Variants in GALNTL6 observed in about 807,000 individuals in gnomAD.
The protein encoded by GALNTL6 is polypeptide N-acetylgalactosaminyltransferase-like 6.
In GALNTL6, 46 loss-of-function variants were observed where a neutral mutation model predicts 73.7. The observed-to-expected ratio is 0.62, with a 90% confidence interval of 0.49 to 0.80. The LOEUF is 0.80. Ranked by LOEUF, GALNTL6 falls within the 30% of genes least tolerant of loss-of-function variation. The probability of loss-of-function intolerance (pLI) is 0.00; values close to 1 mark genes in which losing one functional copy is unlikely to be tolerated. For synonymous variants in GALNTL6, 259 were observed against 263.7 expected (o/e 0.98, Z 0.17); for missense variants, 604 against 755.0 (o/e 0.80, Z 2.34).
chr4:172,264,637 T>C (rs907779288), intron 3 of GALNTL6, among the ~76,000 whole-genome samples: 4 of 143,738 alleles, frequency 2.8e-5, no homozygotes, highest in Non-Finnish European at 6.1e-5. Flanking sequence ...ATATATTATA[T>C]GTGTATATAC....
At chr4:172,820,346 TG>T (rs1741853855) in intron 7 of GALNTL6, among the ~76,000 whole-genome samples, 2 of 152,356 alleles carry the variant, frequency 1.3e-5, no homozygotes, top group South Asian at 4.1e-4. Context: ...GCATCCCACT[TG>T]GGTTAAATTT....
intron 10 of GALNTL6, among the ~76,000 whole-genome samples, chr4:172,986,988 T>A (rs1032297766): frequency 6.6e-6 from 1 of 152,136 alleles, no homozygotes; most frequent in Non-Finnish European, 1.5e-5. Context: ...GTAGAACATA[T>A]TTTTTTAATT....
intron 2 of GALNTL6, among the ~76,000 whole-genome samples, chr4:172,068,395 T>G (rs1394858): frequency 0.61 from 66,113 of 108,430 alleles, 29,220 homozygotes; most frequent in South Asian, 0.79. Context: ...TTCTGGCTTC[T>G]GCCTGATGTT....
intron 2 of GALNTL6, among the ~76,000 whole-genome samples, chr4:172,155,028 C>A (rs1026981344): frequency 6.7e-6 from 1 of 149,454 alleles, no homozygotes; most frequent in Admixed American, 6.7e-5. Context: ...GACGTAGTCT[C>A]GCTCTGTTGT....
chr4:172,952,051 A>C lies in GALNTL6; in HGVS notation c.1164A>C (p.Val388=), dbSNP rs903500948. 6.2e-7 allele frequency: 1 copy of C among 1,613,700 alleles called. No homozygotes were observed. Among genetic ancestry groups the C allele is most frequent in the Non-Finnish European group, 8.5e-7 (1 of 1,179,802 alleles). ...GTSLARNLKR[V]AETWMDEFAE... ...CTGCTGCACAGAACCTGAAGCGGGTAGCTGAGACCTGGATGGATGAATTTG... is the reference window on the plus strand; with the variant it reads ...CTGCTGCACAGAACCTGAAGCGGGTCGCTGAGACCTGGATGGATGAATTTG... The change falls in exon 10 of 13, where the codon GTA becomes GTC. Residue 388 remains valine, a synonymous_variant. Transcript: ENST00000506823.
At chr4:172,578,247 T>A (rs1037465136) in intron 5 of GALNTL6, among the ~76,000 whole-genome samples, 4 of 152,216 alleles carry the variant, frequency 2.6e-5, no homozygotes, top group African/African-American at 4.8e-5. Context: ...ATTTCCATGT[T>A]GTTGCAAAAT....
At chr4:172,226,454 A>G (rs928798964) in intron 2 of GALNTL6, among the ~76,000 whole-genome samples, 8 of 151,986 alleles carry the variant, frequency 5.3e-5, no homozygotes, top group African/African-American at 1.9e-4. Flanking sequence ...CAACTGGCCC[A>G]CTTTTCATTT....
chr4:172,793,630 A>C (rs559043096), intron 5 of GALNTL6, among the ~76,000 whole-genome samples: 1 of 152,202 alleles, frequency 6.6e-6, no homozygotes, highest in Non-Finnish European at 1.5e-5. Flanking sequence ...AAACAAAAGA[A>C]TTACAATCGA....
At chr4:172,306,309 AACTT>A (rs1348652181) in intron 3 of GALNTL6, among the ~76,000 whole-genome samples, 1 of 152,070 alleles carries the variant, frequency 6.6e-6, no homozygotes, top group Non-Finnish European at 1.5e-5. Flanking sequence ...GAATTGCTTG[AACTT>A]GGGAGGTGCA....
chr4:172,674,224 C>T (rs537403237), intron 5 of GALNTL6, among the ~76,000 whole-genome samples: 8 of 152,062 alleles, frequency 5.3e-5, no homozygotes, highest in Non-Finnish European at 1.2e-4. Context: ...GCTTATGAAG[C>T]TTAGTTTGAC....
At chr4:173,023,471 A>C (rs1413843728) in intron 12 of GALNTL6, among the ~76,000 whole-genome samples, 1 of 152,188 alleles carries the variant, frequency 6.6e-6, no homozygotes, top group Non-Finnish European at 1.5e-5. Flanking sequence ...AGCCTGGCCA[A>C]CATGGTGAAA....
At chr4:172,691,095 A>G (rs1392493126) in intron 5 of GALNTL6, among the ~76,000 whole-genome samples, 3 of 152,236 alleles carry the variant, frequency 2.0e-5, no homozygotes. Context: ...TGGAGGAGGC[A>G]GGAAAGTTTC....
chr4:172,307,452 T>G (rs1740182057), intron 3 of GALNTL6, among the ~76,000 whole-genome samples: 1 of 152,208 alleles, frequency 6.6e-6, no homozygotes, highest in Admixed American at 6.5e-5. Flanking sequence ...TAGAAGGGGT[T>G]TTCTGATTTT....
intron 2 of GALNTL6, among the ~76,000 whole-genome samples, chr4:172,101,785 G>A (rs72700913): frequency 0.022 from 3,267 of 151,682 alleles, 39 homozygotes; most frequent in Non-Finnish European, 0.032. Context: ...TTATATATTG[G>A]CTGATGATTA....
chr4:171,952,538 A>G (rs1345826035), intron 2 of GALNTL6, among the ~76,000 whole-genome samples: 1 of 152,094 alleles, frequency 6.6e-6, no homozygotes, highest in Non-Finnish European at 1.5e-5. Flanking sequence ...TATCAAGTTC[A>G]ATTTTTTAGG....
chr4:172,203,011 G>A (rs1259161077), intron 2 of GALNTL6, among the ~76,000 whole-genome samples: 1 of 152,144 alleles, frequency 6.6e-6, no homozygotes, highest in Non-Finnish European at 1.5e-5. Flanking sequence ...ACAAATAATA[G>A]AGTTTAGGAA....
chr4:172,240,284 C>T (rs1193112977), intron 3 of GALNTL6, among the ~76,000 whole-genome samples: 1 of 152,004 alleles, frequency 6.6e-6, no homozygotes, highest in African/African-American at 2.4e-5. Context: ...AGTGCAGTGG[C>T]ACGATCTCGG....
At position 172,905,812 on chromosome 4, in the gene GALNTL6, CAAAAAAAAA is replaced by C. The variant is rs397996287; in HGVS notation, c.1041+22921_1041+22929del. ...GAAAGACTTTCTCCTAGAGATCACT[CAAAAAAAAA>C]AAAAAAAAAAAAAAAGGAGAACAAG... is the stretch of plus-strand genomic sequence containing the variant. On this transcript the variant is annotated intron_variant, in intron 8 of 12. Coordinates refer to ENST00000506823, the MANE Select transcript of GALNTL6 (RefSeq NM_001034845.3). 7.6e-3 allele frequency among the ~76,000 whole-genome samples: 531 copies of C among 69,740 alleles called. 6 individuals carry two copies. Among genetic ancestry groups the C allele is most frequent in the African/African-American group, 0.027 (499 of 18,650 alleles). The allele number at this position is 69,740 out of a possible 152,430, so 45.8% of individuals were successfully genotyped here. A position where few individuals can be genotyped will look rare whatever the true frequency, so the allele number is the denominator to read the frequency against.
At chr4:173,012,006 C>T (rs532218395) in intron 11 of GALNTL6, among the ~76,000 whole-genome samples, 2 of 152,186 alleles carry the variant, frequency 1.3e-5, no homozygotes, top group Non-Finnish European at 2.9e-5. Context: ...TGGGCTCAAG[C>T]GATCCTCTTG....
Sources: allele counts gnomAD v4.1 joint callset (sites outside exome capture counted in the v4.1 genomes callset), GRCh38; gene constraint gnomAD v4.1.1; transcripts MANE v1.5; gene names NCBI Gene and HGNC (gene_info 2026-07-23, HGNC 2026-07-21).